Variants in DNAJB6 observed in about 807,000 individuals in gnomAD.
The protein encoded by DNAJB6 is dnaJ homolog subfamily B member 6.
A neutral mutation model predicts 42.7 loss-of-function variants in DNAJB6; 16 were observed. That is an observed-to-expected ratio of 0.37 (90% CI 0.25 to 0.57). DNAJB6 has a LOEUF of 0.57. DNAJB6 is among the 20% of genes least tolerant of loss of function. The pLI, the probability that DNAJB6 is intolerant of heterozygous loss-of-function variation, is 0.74. For missense variants in DNAJB6, 347 were observed against 416.8 expected (o/e 0.83, Z 1.46); for synonymous variants, 170 against 163.5 (o/e 1.04, Z -0.30).
At chr7:157,383,648 G>A (rs1292422822) in intron 6 of DNAJB6, among the ~76,000 whole-genome samples, 1 of 147,738 alleles carries the variant, frequency 6.8e-6, no homozygotes, top group African/African-American at 2.6e-5. Flanking sequence ...TGTGTGGTGG[G>A]GGTGTAAGCC....
At chr7:157,393,229 G>A (rs1801432090) in intron 8 of DNAJB6, among the ~76,000 whole-genome samples, 2 of 152,008 alleles carry the variant, frequency 1.3e-5, no homozygotes, top group African/African-American at 2.4e-5. Context: ...CGCCCTCCTT[G>A]GCCTCCCAAA....
chr7:157,341,057 A>G (rs991338650), intron 1 of DNAJB6, among the ~76,000 whole-genome samples: 1 of 151,414 alleles, frequency 6.6e-6, no homozygotes, highest in African/African-American at 2.4e-5. Context: ...CCTGGCCTCA[A>G]GTGAGTCTTT....
At chr7:157,357,650 C>T (rs573575462) in intron 1 of DNAJB6, among the ~76,000 whole-genome samples, 22 of 152,144 alleles carry the variant, frequency 1.4e-4, no homozygotes, top group African/African-American at 5.1e-4. Context: ...GTAGGTTAGC[C>T]AGTCAAATTG....
chr7:157,415,703 G>T (rs945709638), intron 9 of DNAJB6, among the ~76,000 whole-genome samples: 1 of 152,074 alleles, frequency 6.6e-6, no homozygotes, highest in South Asian at 2.1e-4. Flanking sequence ...GCCCAGGGTG[G>T]GCTTCTAGCT....
chr7:157,372,885 G>A (rs929847147), intron 5 of DNAJB6, among the ~76,000 whole-genome samples: 18 of 152,114 alleles, frequency 1.2e-4, no homozygotes, highest in African/African-American at 3.4e-4. Flanking sequence ...ATTTGCAGAC[G>A]GATGGCCCAT....
intron 1 of DNAJB6, 72 bp from the exon 2 acceptor site, chr7:157,358,475 C>T (rs2116948138): frequency 1.0e-6 from 1 of 992,798 alleles, no homozygotes; most frequent in South Asian, 1.4e-5. Flanking sequence ...CCTCCCTCTC[C>T]AGACCCATCC....
chr7:157,396,990 C>T (rs1801618048), intron 8 of DNAJB6, among the ~76,000 whole-genome samples: 2 of 152,220 alleles, frequency 1.3e-5, no homozygotes, highest in South Asian at 4.1e-4. Flanking sequence ...GCTGAATGTG[C>T]CTCACTCCAG....
chr7:157,358,456 C>G (rs1174572372), intron 1 of DNAJB6, 91 bp from the exon 2 acceptor site: 2 of 785,598 alleles, frequency 2.5e-6, no homozygotes, highest in Non-Finnish European at 4.3e-6. Context: ...TAAGGTGACA[C>G]CACCCCTTCC....
intron 2 of DNAJB6, among the ~76,000 whole-genome samples, chr7:157,362,016 T>G (rs1043614956): frequency 3.3e-5 from 5 of 152,216 alleles, no homozygotes; most frequent in African/African-American, 4.8e-5. Flanking sequence ...TCCACCCACC[T>G]CGGCCTGCCA....
intron 8 of DNAJB6, among the ~76,000 whole-genome samples, chr7:157,403,897 C>G (rs1795643184): frequency 6.6e-6 from 1 of 152,226 alleles, no homozygotes; most frequent in Admixed American, 6.5e-5. Flanking sequence ...TCCACCCTGA[C>G]CCAGGAGCCT....
At chr7:157,338,934 T>TTA (rs1275990543) in intron 1 of DNAJB6, among the ~76,000 whole-genome samples, 18 of 152,322 alleles carry the variant, frequency 1.2e-4, no homozygotes, top group African/African-American at 4.1e-4. Context: ...GGCAGAGCTC[T>TTA]TAAAGAATTT....
At position 157,371,267 on chromosome 7, in the gene DNAJB6, G is replaced by A. The variant is rs139953751; in HGVS notation, c.346+3784G>A. Among the ~76,000 whole-genome samples, 506 of 152,330 alleles carry A rather than the reference G, an allele frequency of 3.3e-3. 3 individuals carry two copies. The highest frequency in any genetic ancestry group is 0.012 in the African/African-American group (483 of 41,572). On this transcript the variant is annotated intron_variant, in intron 5 of 9. Transcript: ENST00000262177. Reference sequence around the variant, plus strand: ...TGACAAATCATATTTACTAGACCTGGTGTACTTTCCACGTGACGAAAAAGT... The same window carrying A: ...TGACAAATCATATTTACTAGACCTGATGTACTTTCCACGTGACGAAAAAGT...
chr7:157,405,644 G>A (rs559657839), intron 8 of DNAJB6, among the ~76,000 whole-genome samples: 8 of 152,324 alleles, frequency 5.3e-5, no homozygotes, highest in African/African-American at 1.2e-4. Context: ...GGAGCTCACC[G>A]TACAGTCTCC....
At chr7:157,338,087 G>T (rs1490915980) in intron 1 of DNAJB6, among the ~76,000 whole-genome samples, 1 of 152,222 alleles carries the variant, frequency 6.6e-6, no homozygotes, top group African/African-American at 2.4e-5. Flanking sequence ...GCGAATTTTA[G>T]TAAGGATTTG....
At chr7:157,363,461 T>A (rs1406202853) in intron 3 of DNAJB6, among the ~76,000 whole-genome samples, 191 bp downstream of exon 3, 1 of 152,152 alleles carries the variant, frequency 6.6e-6, no homozygotes, top group Non-Finnish European at 1.5e-5. Flanking sequence ...TAACCACGAG[T>A]GCTGGGGAGC....
At chr7:157,412,961 G>C (rs895375521) in intron 9 of DNAJB6, 1 of 152,280 alleles carries the variant, frequency 6.6e-6, no homozygotes, top group Admixed American at 6.5e-5. Context: ...CTTGTGTCTG[G>C]TGTGATTGAC....
At chr7:157,407,792 G>A (rs1228543003) in intron 8 of DNAJB6, among the ~76,000 whole-genome samples, 3 of 152,184 alleles carry the variant, frequency 2.0e-5, no homozygotes, top group Non-Finnish European at 2.9e-5. Flanking sequence ...CATGTGTCCC[G>A]CTCTCTTGCC....
chr7:157,405,372 C>G (rs1180511986), intron 8 of DNAJB6, among the ~76,000 whole-genome samples: 1 of 152,124 alleles, frequency 6.6e-6, no homozygotes, highest in South Asian at 2.1e-4. Flanking sequence ...CTGGCTTGTT[C>G]CGTCCTGGGA....
rs370854040 is a variant in DNAJB6 at position 157,353,586 on chromosome 7, G to GGTGTGTGTGTGTGTGT, written c.-26-4940_-26-4925dup. 4.8e-3 allele frequency among the ~76,000 whole-genome samples: 675 copies of GGTGTGTGTGTGTGTGT among 140,060 alleles called. 9 individuals are homozygous for GGTGTGTGTGTGTGTGT. Among genetic ancestry groups the GGTGTGTGTGTGTGTGT allele is most frequent in the African/African-American group, 0.017 (615 of 36,494 alleles). 91.9% of individuals were successfully genotyped at this position (140,060 alleles called of 152,430 possible). On this transcript the variant is annotated intron_variant, in intron 1 of 9. Transcript: ENST00000262177. ...CTGTCCCGTTGTTTTTCTTGACCGG[G>GGTGTGTGTGTGTGTGT]GTGTGTGTGTGTGTGTGTGTGTGTG...
Sources: gnomAD v4.1 joint callset for allele counts (sites outside exome capture counted in the v4.1 genomes callset) on GRCh38, gnomAD v4.1.1 for gene constraint, MANE v1.5 for transcripts, NCBI Gene and HGNC (gene_info 2026-07-23, HGNC 2026-07-21) for gene names.